AGBL4: variants seen among roughly 807,000 people sequenced by gnomAD.
AGBL4 encodes cytosolic carboxypeptidase 6.
In AGBL4, 58 loss-of-function variants were observed where a neutral mutation model predicts 66.4. That is an observed-to-expected ratio of 0.87 (90% CI 0.71 to 1.09). The LOEUF (loss-of-function observed/expected upper bound fraction) is 1.09. AGBL4 is among the 50% of genes least tolerant of loss of function. The pLI, the probability that AGBL4 is intolerant of heterozygous loss-of-function variation, is 0.00. For missense variants in AGBL4, 579 were observed against 631.0 expected, an observed-to-expected ratio of 0.92 and a Z score of 0.88; for synonymous variants, 234 against 222.9, an observed-to-expected ratio of 1.05 and a Z score of -0.44.
Position 49,948,570 on chromosome 1 carries a change from T to TAG in AGBL4, c.34+75192_34+75193insCT, listed in dbSNP as rs1372272160. Reference sequence around the variant, plus strand: ...ATATATATAAATATATAAAAATATATATATATATATATAGAGAGAGAGAGA... The same window carrying TAG: ...ATATATATAAATATATAAAAATATATAGATATATATATATAGAGAGAGAGAGA... On this transcript the variant is annotated intron_variant, in intron 1 of 13. Coordinates refer to ENST00000371839, the MANE Select transcript of AGBL4 (RefSeq NM_032785.4). 1.4e-3 allele frequency among the ~76,000 whole-genome samples: 157 copies of TAG among 109,522 alleles called. 2 individuals are homozygous for TAG. Among genetic ancestry groups the TAG allele is most frequent in the Admixed American group, 3.1e-3 (30 of 9,698 alleles). The allele number at this position is 109,522 out of a possible 152,430, so 71.9% of individuals were successfully genotyped here. A position where few individuals can be genotyped will look rare whatever the true frequency, so the allele number is the denominator to read the frequency against.
intron 6 of AGBL4, among the ~76,000 whole-genome samples, chr1:48,723,857 T>A (rs1453170552): frequency 6.6e-6 from 1 of 152,230 alleles, no homozygotes; most frequent in Non-Finnish European, 1.5e-5. Flanking sequence ...AAAATCTTCA[T>A]CTGGGTTTAA....
intron 4 of AGBL4, among the ~76,000 whole-genome samples, chr1:49,200,484 G>A (rs1647600057): frequency 6.6e-6 from 1 of 152,114 alleles, no homozygotes; most frequent in African/African-American, 2.4e-5. Context: ...CACAGGTTGA[G>A]GGCTCAGTAC....
At chr1:49,474,861 C>A (rs888117909) in intron 3 of AGBL4, among the ~76,000 whole-genome samples, 3 of 151,910 alleles carry the variant, frequency 2.0e-5, no homozygotes, top group Non-Finnish European at 4.4e-5. Context: ...GCATTAGGAG[C>A]CACCCCAAGT....
chr1:49,560,850 A>T (rs1477801264), intron 3 of AGBL4, among the ~76,000 whole-genome samples: 3 of 152,114 alleles, frequency 2.0e-5, no homozygotes, highest in South Asian at 2.1e-4. Context: ...CCTGAATAGT[A>T]TATCTGGTGA....
intron 4 of AGBL4, among the ~76,000 whole-genome samples, chr1:49,169,063 T>G (rs1455522481): frequency 6.6e-6 from 1 of 152,210 alleles, no homozygotes; most frequent in Non-Finnish European, 1.5e-5. Context: ...ATTCCCTTTT[T>G]GTCTCACTCT....
intron 11 of AGBL4, among the ~76,000 whole-genome samples, chr1:48,575,250 C>A (rs147746098): frequency 6.6e-6 from 1 of 152,232 alleles, no homozygotes; most frequent in South Asian, 2.1e-4. Flanking sequence ...TCTGGCCAGA[C>A]AGTATGATCT....
intron 1 of AGBL4, among the ~76,000 whole-genome samples, chr1:49,968,177 C>T (rs939270619): frequency 6.7e-6 from 1 of 149,196 alleles, no homozygotes; most frequent in Non-Finnish European, 1.5e-5. Context: ...GAGCCAATAT[C>T]GTGCCATTGC....
At chr1:49,838,254 A>G (rs1188027555) in intron 2 of AGBL4, among the ~76,000 whole-genome samples, 2 of 152,214 alleles carry the variant, frequency 1.3e-5, no homozygotes, top group African/African-American at 2.4e-5. Flanking sequence ...TGATATCACA[A>G]GAAAGGAGTT....
intron 11 of AGBL4, among the ~76,000 whole-genome samples, chr1:48,578,494 A>G (rs188039609): frequency 6.6e-6 from 1 of 152,322 alleles, no homozygotes; most frequent in East Asian, 1.9e-4. Context: ...GACCTTGGGT[A>G]TGACACACAA....
chr1:49,995,043 G>A (rs1411542525), intron 1 of AGBL4: 1 of 442,952 alleles, frequency 2.3e-6, no homozygotes, highest in East Asian at 7.0e-5. Flanking sequence ...TCCATGGGGA[G>A]AGATGCCACT....
At chr1:50,010,495 C>CACAA (rs1429259178) in intron 1 of AGBL4, among the ~76,000 whole-genome samples, 1 of 151,120 alleles carries the variant, frequency 6.6e-6, no homozygotes, top group Non-Finnish European at 1.5e-5. Context: ...CACACACACA[C>CACAA]AACAGAGCCA....
chr1:49,614,782 C>CTACTA (rs1299789695), intron 3 of AGBL4, among the ~76,000 whole-genome samples: 1 of 152,120 alleles, frequency 6.6e-6, no homozygotes, highest in Admixed American at 6.5e-5. Flanking sequence ...TTCACTTGTG[C>CTACTA]TACTACACTA....
chr1:49,634,207 C>T (rs763331614), intron 3 of AGBL4, among the ~76,000 whole-genome samples: 2 of 152,038 alleles, frequency 1.3e-5, no homozygotes, highest in Non-Finnish European at 2.9e-5. Flanking sequence ...AATGCTATCT[C>T]TCCACTAGCC....
At chr1:49,386,075 C>G (rs1644730276) in intron 3 of AGBL4, among the ~76,000 whole-genome samples, 1 of 151,944 alleles carries the variant, frequency 6.6e-6, no homozygotes, top group South Asian at 2.1e-4. Context: ...ATCCTACTGA[C>G]ATTAATATGG....
chr1:48,772,878 C>T (rs1326342487), intron 6 of AGBL4, among the ~76,000 whole-genome samples: 1 of 152,116 alleles, frequency 6.6e-6, no homozygotes, highest in East Asian at 1.9e-4. Context: ...CTCTGTGTTT[C>T]CCCAGTGCCT....
intron 9 of AGBL4, among the ~76,000 whole-genome samples, chr1:48,620,514 G>T (rs1645394550): frequency 6.6e-6 from 1 of 152,008 alleles, no homozygotes; most frequent in Non-Finnish European, 1.5e-5. Context: ...CCTCCTGCTT[G>T]GGTCTCCCAA....
intron 1 of AGBL4, among the ~76,000 whole-genome samples, chr1:49,919,059 A>T (rs553430358): frequency 6.6e-6 from 1 of 152,234 alleles, no homozygotes. Context: ...AACTCTCAAT[A>T]AATTCGGTAT....
At chr1:49,709,588 C>T (rs1164566624) in intron 2 of AGBL4, among the ~76,000 whole-genome samples, 1 of 152,034 alleles carries the variant, frequency 6.6e-6, no homozygotes, top group Non-Finnish European at 1.5e-5. Context: ...GCAACAAAAG[C>T]CAAAATTGAT....
chr1:49,735,398 T>A (rs1355678057), intron 2 of AGBL4, among the ~76,000 whole-genome samples: 6 of 145,518 alleles, frequency 4.1e-5, no homozygotes, highest in Admixed American at 1.4e-4. Context: ...GACCCATGAG[T>A]CAAAGAATGC....
Sources: allele counts gnomAD v4.1 joint callset (sites outside exome capture counted in the v4.1 genomes callset), GRCh38; gene constraint gnomAD v4.1.1; transcripts MANE v1.5; gene names NCBI Gene and HGNC (gene_info 2026-07-23, HGNC 2026-07-21).